Variants in TBC1D2 observed in about 807,000 individuals in gnomAD.
TBC1D2 encodes TBC1 domain family member 2A.
A neutral mutation model predicts 91.1 loss-of-function variants in TBC1D2; 58 were observed. That is an observed-to-expected ratio of 0.64 (90% CI 0.52 to 0.79). The LOEUF is 0.79. Among genes scored for constraint, TBC1D2 ranks in the 30% least tolerant of loss-of-function variants. The pLI, the probability that TBC1D2 is intolerant of heterozygous loss-of-function variation, is 0.00. For missense variants in TBC1D2, 1,080 were observed against 1,208.3 expected, an observed-to-expected ratio of 0.89 and a Z score of 1.57; for synonymous variants, 482 against 511.5, an observed-to-expected ratio of 0.94 and a Z score of 0.78.
intron 7 of TBC1D2, among the ~76,000 whole-genome samples, chr9:98,211,890 G>A (rs1056828661): frequency 1.3e-5 from 2 of 151,468 alleles, no homozygotes; most frequent in Non-Finnish European, 2.9e-5. Context: ...CTCTACCTCC[G>A]GGGTTCAAAT....
intron 5 of TBC1D2, among the ~76,000 whole-genome samples, chr9:98,224,320 T>C (rs1829179719): frequency 1.3e-5 from 2 of 149,284 alleles, no homozygotes; most frequent in Middle Eastern, 3.4e-3. Context: ...TCTCACTCTG[T>C]TGCCCAGGCT....
intron 4 of TBC1D2, among the ~76,000 whole-genome samples, chr9:98,232,844 G>A (rs781776402): frequency 9.9e-5 from 15 of 152,218 alleles, no homozygotes; most frequent in African/African-American, 1.4e-4. Context: ...TTGAGACGGA[G>A]TCTCACTCTG....
chr9:98,218,849 A>G (rs543608094), intron 6 of TBC1D2, among the ~76,000 whole-genome samples: 11 of 152,220 alleles, frequency 7.2e-5, no homozygotes, highest in Middle Eastern at 3.4e-3. Context: ...CGCCACCACA[A>G]ATCTTTCTGA....
intron 9 of TBC1D2, among the ~76,000 whole-genome samples, chr9:98,207,880 C>T (rs1241569144): frequency 1.3e-5 from 2 of 152,308 alleles, no homozygotes; most frequent in South Asian, 2.1e-4. Flanking sequence ...AGGGGTGCAG[C>T]CCTGCTGCAG....
At chr9:98,230,099 A>G (rs1303655197) in intron 4 of TBC1D2, among the ~76,000 whole-genome samples, 4 of 152,198 alleles carry the variant, frequency 2.6e-5, no homozygotes, top group Non-Finnish European at 1.5e-5. Context: ...GCCTGCATCA[A>G]GGGACATTTA....
At chr9:98,255,067 C>T (rs1007587137) in intron 1 of TBC1D2, 106 bp downstream of exon 1, 187 of 1,481,540 alleles carry the variant, frequency 1.3e-4, no homozygotes, top group Non-Finnish European at 1.6e-4. Flanking sequence ...CTGTCGTCAC[C>T]GACACTCCAA....
At position 98,213,277 on chromosome 9, in the gene TBC1D2, G is replaced by T. The variant is rs41283614; in HGVS notation, c.1375-59C>A. 1,869 of 1,601,136 alleles carry T rather than the reference G, an allele frequency of 1.2e-3. 6 individuals carry two copies. The highest frequency in any genetic ancestry group is 3.3e-3 in the Admixed American group (196 of 58,742). On this transcript the variant is annotated intron_variant, in intron 6 of 12. Transcript: ENST00000465784. ...ACATAAACATCTCCCTGGTCCTGGGGAGTCACACCCTCAAATGAGCCCCCA... is the reference window on the plus strand; with the variant it reads ...ACATAAACATCTCCCTGGTCCTGGGTAGTCACACCCTCAAATGAGCCCCCA...
rs762326095 is a variant in TBC1D2, at chr9:98,209,055, C to T, written c.1763G>A (p.Arg588Gln). The T allele has an allele frequency of 6.8e-6, 11 of 1,614,034 alleles. 1 individual carries two copies. The highest frequency in any genetic ancestry group is 3.3e-5 in the South Asian group (3 of 91,088). ...CTCGAGGCCCAGCAGGTGGTGGGAT[C>T]GTGACTCCAATGCCTGGATCTTGGC... ...LLAKIQALESRSHHLLGLEAV... is the reference protein window; with the variant it reads ...LLAKIQALESQSHHLLGLEAV... Residue 588 changes from arginine to glutamine, a missense_variant, in exon 9 of 13, where the codon CGA (arginine) becomes CAA (glutamine). By Grantham distance (43) the Arg-to-Gln change is conservative. Coordinates refer to ENST00000465784, the MANE Select transcript of TBC1D2 (RefSeq NM_001267571.2).
At chr9:98,235,535 T>G in intron 3 of TBC1D2, 1 of 455,164 alleles carries the variant, frequency 2.2e-6, no homozygotes, top group South Asian at 1.7e-5. Context: ...CACACTTCAA[T>G]GATTTATTCG....
rs200421259 is a variant in TBC1D2 at position 98,203,323 on chromosome 9, C to T, written c.2236G>A (p.Ala746Thr). ...LVAIVETIMPADYYCNTLTAS... is the reference protein window; with the variant it reads ...LVAIVETIMPTDYYCNTLTAS... ...GTCAGCGTGTTGCAGTAGTAATCAGCGGGCATGATGGTCTCCACAATGGCC... is the reference window on the plus strand; with the variant it reads ...GTCAGCGTGTTGCAGTAGTAATCAGTGGGCATGATGGTCTCCACAATGGCC... The change falls in exon 10 of 13, where the codon GCT (alanine) becomes ACT (threonine). Residue 746 changes from alanine to threonine, a missense_variant. By Grantham distance (58) the Ala-to-Thr change is moderately conservative. Coordinates refer to ENST00000465784, the MANE Select transcript of TBC1D2 (RefSeq NM_001267571.2). 2.0e-5 allele frequency: 33 copies of T among 1,614,246 alleles called. No individual in the cohort carries two copies. The highest frequency in any genetic ancestry group is 9.9e-5 in the South Asian group (9 of 91,088).
intron 2 of TBC1D2, among the ~76,000 whole-genome samples, chr9:98,249,089 G>A (rs917679199): frequency 1.2e-4 from 18 of 152,164 alleles, no homozygotes; most frequent in African/African-American, 2.9e-4. Context: ...CCTGCTCCAC[G>A]TGGCTAATCC....
Position 98,213,137 on chromosome 9 carries a change from C to G in TBC1D2, c.1456G>C (p.Ala486Pro), listed in dbSNP as rs747532396. 4.3e-6 allele frequency: 7 copies of G among 1,614,018 alleles called. No homozygotes were observed. The highest frequency in any genetic ancestry group is 5.9e-6 in the Non-Finnish European group (7 of 1,180,026). ...GTCAGAAGGGCCTTCTCCTTCTCAGCCACCTTTCTCCAGATCTTTGTGACC... is the reference window on the plus strand; with the variant it reads ...GTCAGAAGGGCCTTCTCCTTCTCAGGCACCTTTCTCCAGATCTTTGTGACC... ...HQVTKIWRKV[A>P]EKEKALLTKC... Residue 486 changes from alanine to proline, a missense_variant, in exon 7 of 13, where the codon GCT becomes CCT. Transcript: ENST00000465784.
intron 7 of TBC1D2, among the ~76,000 whole-genome samples, chr9:98,212,426 A>T (rs989460124): frequency 6.6e-6 from 1 of 151,808 alleles, no homozygotes; most frequent in Non-Finnish European, 1.5e-5. Context: ...CTCAATTCAG[A>T]AGGTACCTCC....
intron 2 of TBC1D2, among the ~76,000 whole-genome samples, chr9:98,251,149 G>T (rs143773609): frequency 6.6e-6 from 1 of 152,116 alleles, no homozygotes; most frequent in African/African-American, 2.4e-5. Flanking sequence ...GCCGGGCGTG[G>T]TGGCACGTGC....
Position 98,199,234 on chromosome 9 carries a change from G to A in TBC1D2, c.*147C>T, listed in dbSNP as rs1437486345. On this transcript the variant is annotated 3_prime_UTR_variant, in exon 13 of 13. Transcript: ENST00000465784. ...TTTGCAGCACACAATGTCCCAGTGG[G>A]GAAACTGAGGGCCAGAGAGGGGAAG... The A allele has an allele frequency of 9.3e-6, 8 of 863,370 alleles. No homozygotes were observed. The highest frequency in any genetic ancestry group is 1.3e-5 in the Non-Finnish European group (7 of 554,404). 53.5% of individuals were successfully genotyped at this position (863,370 alleles called of 1,614,324 possible).
In TBC1D2 at chr9:98,247,080, C is replaced by T. The variant is rs1482279921; in HGVS notation, c.512-2951G>A. ...CAGTGGCTCATGCCTGTAATCCCAG[C>T]ACTTTGGGAGGCCAAGGCAGGCAGA... On this transcript the variant is annotated intron_variant, in intron 2 of 12. Coordinates refer to ENST00000465784, the MANE Select transcript of TBC1D2 (RefSeq NM_001267571.2). 3.3e-5 allele frequency among the ~76,000 whole-genome samples: 5 copies of T among 151,482 alleles called. No individual in the cohort carries two copies. In the East Asian group the frequency reaches 5.8e-4, roughly 18 times the overall value.
At chr9:98,201,701 C>A (rs752211136) in intron 10 of TBC1D2, 37 bp from the exon 11 acceptor site, 18 of 1,575,300 alleles carry the variant, frequency 1.1e-5, no homozygotes, top group Non-Finnish European at 8.6e-6. Context: ...TCTGCAGCCC[C>A]AGCGTAGGGC....
rs1564237515 is a variant in TBC1D2, at chr9:98,210,656, CT to C, written c.1672del (p.Ser558ValfsTer9). On this transcript the variant is annotated frameshift_variant and splice_region_variant, in exon 8 of 13. Transcript: ENST00000465784. LOFTEE classifies it high-confidence loss of function. ...GCCCTTCCTGGGCCGCCAGGCTCAC[CT>C]GATGGGGCTCAGCTCGATGCTGTCA... ...SSDSIELSPI[S>X]KYDEYGFLTV... is the part of the protein sequence containing the mutation. The C allele has an allele frequency of 1.3e-6, 2 of 1,585,154 alleles. No individual in the cohort carries two copies. The highest frequency in any genetic ancestry group is 1.1e-5 in the South Asian group (1 of 87,960).
intron 6 of TBC1D2, among the ~76,000 whole-genome samples, chr9:98,214,296 G>A (rs1436583536): frequency 1.3e-4 from 10 of 77,160 alleles, no homozygotes. Context: ...AACATCACAT[G>A]TGCAAGCGAT....
Sources: allele counts gnomAD v4.1 joint callset (sites outside exome capture counted in the v4.1 genomes callset), GRCh38; gene constraint gnomAD v4.1.1; transcripts MANE v1.5; gene names NCBI Gene and HGNC (gene_info 2026-07-23, HGNC 2026-07-21).